The following PEAK1 variants were observed in gnomAD, a reference collection of about 807,000 sequenced individuals.
PEAK1 encodes the protein pseudopodium enriched atypical kinase 1, also known as inactive tyrosine-protein kinase PEAK1.
PEAK1 carries 54 observed loss-of-function variants against 124.7 expected under a neutral mutation model. The observed-to-expected ratio is 0.43, with a 90% CI of 0.35 to 0.54. The LOEUF (loss-of-function observed/expected upper bound fraction) is 0.54. Ranked by LOEUF, PEAK1 falls within the 20% of genes least tolerant of loss-of-function variation. PEAK1 has a pLI of 0.01. For missense variants in PEAK1, 2,046 were observed against 2,134.5 expected (o/e 0.96, Z 0.82); for synonymous variants, 719 against 760.0 (o/e 0.95, Z 0.89).
At chr15:77,348,402 C>T in intron 2 of PEAK1, 5 of 910,046 alleles carry the variant, frequency 5.5e-6, no homozygotes, top group Non-Finnish European at 6.6e-6. Flanking sequence ...ACACTATAAG[C>T]AAGGGAAATG....
intron 3 of PEAK1, among the ~76,000 whole-genome samples, 193 bp downstream of exon 3, chr15:77,286,230 G>A: frequency 6.6e-6 from 1 of 152,150 alleles, no homozygotes; most frequent in East Asian, 1.9e-4. Flanking sequence ...CTCAGAGACT[G>A]TTATGATTTC....
At chr15:77,274,218 A>G (rs1312762702) in intron 5 of PEAK1, among the ~76,000 whole-genome samples, 1 of 152,204 alleles carries the variant, frequency 6.6e-6, no homozygotes, top group Non-Finnish European at 1.5e-5. Flanking sequence ...TGGCTTACGC[A>G]AAGACTTCAT....
intron 8 of PEAK1, among the ~76,000 whole-genome samples, chr15:77,142,072 T>C (rs980432897): frequency 2.6e-5 from 4 of 152,144 alleles, no homozygotes; most frequent in Non-Finnish European, 5.9e-5. Context: ...TGGGAGAAAA[T>C]ATGTTCAAAT....
intron 1 of PEAK1, chr15:77,381,576 G>T (rs1432230382): frequency 3.3e-5 from 20 of 608,118 alleles, no homozygotes; most frequent in Non-Finnish European, 4.1e-5. Flanking sequence ...GTAAGGCATA[G>T]AGTCATTTTT....
intron 1 of PEAK1, chr15:77,371,393 A>T: frequency 1.1e-6 from 1 of 949,480 alleles, no homozygotes; most frequent in Non-Finnish European, 1.3e-6. Context: ...AGTGTTGTAA[A>T]AGTGAAGCCA....
Position 77,179,720 on chromosome 15 carries a change from C to A in PEAK1, c.2207G>T (p.Arg736Ile). Residue 736 changes from arginine (R) to isoleucine (I), a missense_variant, in exon 7 of 10, where the codon AGA becomes ATA. By Grantham distance (97) the Arg-to-Ile change is moderately conservative. Coordinates refer to ENST00000682557, the MANE Select transcript of PEAK1 (RefSeq NM_001385026.1). ...TTTGGCCACAGGCTCTTGAGTGGCT[C>A]TCTGGATCTTTGCTGGGGAGCTGTG... ...SSHSSPAKIQRATQEPVAKIE... is the reference protein window; with the variant it reads ...SSHSSPAKIQIATQEPVAKIE... The A allele has an allele frequency of 6.2e-7, 1 of 1,614,040 alleles. No individual in the cohort carries two copies. Among genetic ancestry groups the A allele is most frequent in the Non-Finnish European group, 8.5e-7 (1 of 1,180,002 alleles).
At chr15:77,250,811 C>T (rs377382818) in intron 6 of PEAK1, among the ~76,000 whole-genome samples, 24 of 151,706 alleles carry the variant, frequency 1.6e-4, no homozygotes, top group African/African-American at 2.7e-4. Context: ...TCAAGTGATC[C>T]GCCTGCCTTG....
intron 2 of PEAK1, among the ~76,000 whole-genome samples, chr15:77,305,812 G>T (rs2064069996): frequency 6.6e-6 from 1 of 151,948 alleles, no homozygotes; most frequent in African/African-American, 2.4e-5. Flanking sequence ...ATCATCTCTG[G>T]ATTACTTGCT....
chr15:77,205,667 T>C (rs1447863347), intron 6 of PEAK1, among the ~76,000 whole-genome samples: 2 of 152,152 alleles, frequency 1.3e-5, no homozygotes, highest in African/African-American at 2.4e-5. Context: ...ACTTTGAGTA[T>C]ATAGTGTATA....
intron 8 of PEAK1, among the ~76,000 whole-genome samples, chr15:77,152,592 T>G (rs1042456841): frequency 6.6e-6 from 1 of 152,164 alleles, no homozygotes; most frequent in Admixed American, 6.5e-5. Context: ...TGCTTCCAGT[T>G]TTTGCTCATT....
rs2050935849 is a variant in PEAK1, at chr15:77,110,790, ACT to A, written c.*3364_*3365del. ...CGTTGTTGTTCCACAGGTTACAGTG[ACT>A]CTTTTTCTCATCCTGCTGTTATTCT... On this transcript the variant is annotated 3_prime_UTR_variant, in exon 10 of 10. Coordinates refer to ENST00000682557, the MANE Select transcript of PEAK1 (RefSeq NM_001385026.1). 1 of 152,028 alleles carries A rather than the reference ACT, an allele frequency of 6.6e-6. No homozygotes were observed. 9.4% of individuals were successfully genotyped at this position (152,028 alleles called of 1,614,324 possible). A position where few individuals can be genotyped will look rare whatever the true frequency, so the allele number is the denominator to read the frequency against.
intron 7 of PEAK1, among the ~76,000 whole-genome samples, chr15:77,176,033 A>G (rs1178839778): frequency 2.1e-4 from 32 of 151,900 alleles, no homozygotes; most frequent in Non-Finnish European, 8.8e-5. Flanking sequence ...TGTTCTACTC[A>G]TAGATGGGAA....
Position 77,158,566 on chromosome 15 carries a change from C to T in PEAK1, c.3268G>A (p.Gly1090Arg), listed in dbSNP as rs2055356551. The change falls in exon 8 of 10, where the codon GGA (glycine) becomes AGA (arginine). Residue 1090 changes from glycine to arginine, a missense_variant. Coordinates refer to ENST00000682557, the MANE Select transcript of PEAK1 (RefSeq NM_001385026.1). ...ATAGGATCTGAAATGTCTTCTTTTC[C>T]ATCTTCCCTTTCCAGTTCAGGTAGG... ...LSLPELERED[G>R]KEDISDPMDP... 6.2e-7 allele frequency: 1 copy of T among 1,614,016 alleles called. No individual in the cohort carries two copies. Among genetic ancestry groups the T allele is most frequent in the Non-Finnish European group, 8.5e-7 (1 of 1,180,008 alleles).
intron 6 of PEAK1, among the ~76,000 whole-genome samples, chr15:77,203,603 T>C (rs956563558): frequency 2.7e-5 from 4 of 150,834 alleles, no homozygotes; most frequent in Admixed American, 6.6e-5. Context: ...ACAGAACAGA[T>C]AGACCAGAAA....
At chr15:77,281,127 A>G (rs1426886919) in intron 5 of PEAK1, among the ~76,000 whole-genome samples, 1 of 152,116 alleles carries the variant, frequency 6.6e-6, no homozygotes, top group Non-Finnish European at 1.5e-5. Context: ...GAGATTCGCC[A>G]TTGCACTCCA....
At chr15:77,173,027 T>A (rs2056615474) in intron 7 of PEAK1, among the ~76,000 whole-genome samples, 1 of 152,178 alleles carries the variant, frequency 6.6e-6, no homozygotes, top group Admixed American at 6.5e-5. Context: ...GTGCTGGGAT[T>A]ACAGGCATGA....
intron 2 of PEAK1, chr15:77,348,804 AG>A: frequency 1.7e-4 from 35 of 204,312 alleles, no homozygotes; most frequent in South Asian, 2.4e-4. Flanking sequence ...TTTGTGGGGG[AG>A]GGGGCGGGCA....
chr15:77,393,582 T>C (rs1231726463), intron 1 of PEAK1, among the ~76,000 whole-genome samples: 1 of 152,158 alleles, frequency 6.6e-6, no homozygotes, highest in Non-Finnish European at 1.5e-5. Context: ...GGATGCATCA[T>C]CTGCTGACTA....
intron 6 of PEAK1, among the ~76,000 whole-genome samples, chr15:77,231,392 G>A (rs1211665034): frequency 6.6e-6 from 1 of 152,168 alleles, no homozygotes; most frequent in Non-Finnish European, 1.5e-5. Context: ...TTTTCATCAA[G>A]TCTTTCAAGA....
Sources: gnomAD v4.1 joint callset for allele counts (sites outside exome capture counted in the v4.1 genomes callset) on GRCh38, gnomAD v4.1.1 for gene constraint, MANE v1.5 for transcripts, NCBI Gene and HGNC (gene_info 2026-07-23, HGNC 2026-07-21) for gene names.